TUBGCP2: variants seen among roughly 807,000 people sequenced by gnomAD.
The protein encoded by TUBGCP2 is gamma-tubulin complex component 2.
Under a neutral mutation model 92.2 loss-of-function variants are expected in TUBGCP2, and 55 were observed. That is an observed-to-expected ratio of 0.60 (90% CI 0.48 to 0.75). TUBGCP2 has a LOEUF of 0.75. Among genes scored for constraint, TUBGCP2 ranks in the 30% least tolerant of loss-of-function variants. The probability of loss-of-function intolerance (pLI) is 0.00; values close to 1 mark genes in which losing one functional copy is unlikely to be tolerated. For missense variants in TUBGCP2, 1,093 were observed against 1,188.9 expected, an observed-to-expected ratio of 0.92 and a Z score of 1.19; for synonymous variants, 533 against 505.2, an observed-to-expected ratio of 1.06 and a Z score of -0.74.
intron 17 of TUBGCP2, 83 bp from the exon 18 acceptor site, chr10:133,279,984 A>G: frequency 3.2e-6 from 5 of 1,543,384 alleles, no homozygotes; most frequent in Non-Finnish European, 4.4e-6. Context: ...AGGACGGTGC[A>G]GCTAGGGTGC....
chr10:133,309,254 G>A (rs1330660999), upstream of TUBGCP2: 1 of 1,325,800 alleles, frequency 7.5e-7, no homozygotes, highest in Non-Finnish European at 1.0e-6. Flanking sequence ...GGGCCGGAAC[G>A]TGGAGTGGGC....
At chr10:133,303,761 G>A (rs936172700) in intron 1 of TUBGCP2, among the ~76,000 whole-genome samples, 1 of 152,238 alleles carries the variant, frequency 6.6e-6, no homozygotes, top group Non-Finnish European at 1.5e-5. Flanking sequence ...TACCGACAGA[G>A]ACGCTTCTGG....
At chr10:133,309,919 C>G, upstream of TUBGCP2, 1 of 1,613,604 alleles carries the variant, frequency 6.2e-7, no homozygotes, top group Non-Finnish European at 8.5e-7. Flanking sequence ...CTGCTGGACG[C>G]CCACATCCTG....
chr10:133,288,368 G>T, intron 10 of TUBGCP2, 59 bp from the exon 11 acceptor site: 6 of 1,575,320 alleles, frequency 3.8e-6, no homozygotes, highest in Non-Finnish European at 5.2e-6. Context: ...CACAGCCAGG[G>T]AGCAGGCGTG....
At position 133,293,213 on chromosome 10, in the gene TUBGCP2, C is replaced by T. The variant is rs774637974; in HGVS notation, c.850G>A (p.Glu284Lys). The change falls in exon 7 of 18, where the codon GAG (glutamate) becomes AAG (lysine). Residue 284 changes from glutamate to lysine, a missense_variant. Physicochemically the swap from Glu to Lys is moderately conservative, Grantham distance 56. Transcript: ENST00000252936. ...TRFIEEKSSF[E>K]YGQVNHALAA... ...AGGGCGTGGTTCACCTGCCCGTACT[C>T]GAAGGAAGACTTCTCTTCAATGAAC... is the stretch of plus-strand genomic sequence containing the variant. 3.7e-6 allele frequency: 6 copies of T among 1,613,694 alleles called. No individual in the cohort carries two copies. In the Admixed American group the frequency reaches 6.7e-5, roughly 18 times the overall value.
Position 133,307,341 on chromosome 10 carries a change from C to T in TUBGCP2, c.-40+1482G>A, listed in dbSNP as rs553894576. On this transcript the variant is annotated intron_variant, in intron 1 of 17. Transcript: ENST00000252936. The stretch of plus-strand genomic sequence containing the variant: ...CACGCATGTCACACTCCACCACGGA[C>T]AAGCGGGGCACACACTCCTAGTGAG... Among the ~76,000 whole-genome samples the T allele has an allele frequency of 2.0e-5, 3 of 152,332 alleles. No homozygotes were observed. In the East Asian group the frequency reaches 5.8e-4, roughly 29 times the overall value.
chr10:133,292,969 C>A, intron 7 of TUBGCP2, 70 bp downstream of exon 7: 2 of 1,546,644 alleles, frequency 1.3e-6, no homozygotes, highest in Non-Finnish European at 1.8e-6. Context: ...CAGAGTCTCT[C>A]CTCACACTGG....
chr10:133,310,431 TG>T (rs974006788), upstream of TUBGCP2: 94 of 1,062,606 alleles, frequency 8.8e-5, no homozygotes, highest in Admixed American at 2.0e-3. Context: ...CCTGAAGCCC[TG>T]GCAACACAGC....
At position 133,279,765 on chromosome 10, in the gene TUBGCP2, C is replaced by T. The variant is rs1846916976; in HGVS notation, c.*1G>A. 6.4e-7 allele frequency: 1 copy of T among 1,555,182 alleles called. No individual in the cohort carries two copies. Among genetic ancestry groups the T allele is most frequent in the Non-Finnish European group, 8.7e-7 (1 of 1,149,392 alleles). ...CCCTTCCTTCCTGTCACAGCCAGGGCTCACTGTGCGGTGACTGCGACCCTG... is the reference window on the plus strand; with the variant it reads ...CCCTTCCTTCCTGTCACAGCCAGGGTTCACTGTGCGGTGACTGCGACCCTG... On this transcript the variant is annotated 3_prime_UTR_variant, in exon 18 of 18. Transcript: ENST00000252936.
Position 133,289,030 on chromosome 10 carries a change from C to A in TUBGCP2, c.1361-10G>T. The stretch of plus-strand genomic sequence containing the variant: ...ACATTTAGATATTTTCCTGAAAACA[C>A]AGAAATTCAAAATTTTATTCTCCAC... On this transcript the variant is annotated splice_polypyrimidine_tract_variant and intron_variant, in intron 9 of 17. Coordinates refer to ENST00000252936, the MANE Select transcript of TUBGCP2 (RefSeq NM_006659.4). The A allele has an allele frequency of 1.2e-6, 2 of 1,604,950 alleles. No homozygotes were observed. Among genetic ancestry groups the A allele is most frequent in the South Asian group, 1.1e-5 (1 of 90,708 alleles).
intron 4 of TUBGCP2, 51 bp from the exon 5 acceptor site, chr10:133,298,162 A>C: frequency 6.3e-7 from 1 of 1,580,922 alleles, no homozygotes; most frequent in Non-Finnish European, 8.6e-7. Context: ...CTTTAGCGCA[A>C]ACACTCAACT....
At chr10:133,307,318 C>T (rs565123030) in intron 1 of TUBGCP2, among the ~76,000 whole-genome samples, 1 of 152,210 alleles carries the variant, frequency 6.6e-6, no homozygotes, top group Non-Finnish European at 1.5e-5. Context: ...AAGCAATGCA[C>T]GCATGTCACA....
chr10:133,293,534 G>C (rs745583650), intron 6 of TUBGCP2, 28 bp downstream of exon 6: 1 of 1,547,432 alleles, frequency 6.5e-7, no homozygotes, highest in South Asian at 1.2e-5. Context: ...AACAGCGCAG[G>C]CTCCCAGGGA....
chr10:133,311,767 G>A (rs1427065258), upstream of TUBGCP2: 4 of 1,613,786 alleles, frequency 2.5e-6, no homozygotes, highest in South Asian at 2.2e-5. Flanking sequence ...CAGAAGGGGA[G>A]GCCATGGAAA....
Position 133,297,974 on chromosome 10 carries a change from G to A in TUBGCP2, c.594C>T (p.Ser198=). 1.2e-6 allele frequency: 2 copies of A among 1,613,710 alleles called. No individual in the cohort carries two copies. Among genetic ancestry groups the A allele is most frequent in the South Asian group, 1.1e-5 (1 of 91,056 alleles). Residue 198 remains serine (S), a synonymous_variant, in exon 5 of 18, where the codon AGC becomes AGT. Transcript: ENST00000252936. The part of the protein sequence containing the change: ...IGDFLIGAGI[S]TDTALPIGTL... Reference sequence around the variant, plus strand: ...TACCTATCGGCAAAGCGGTGTCTGTGCTGATGCCAGCACCAATCAGGAAAT... The same window carrying A: ...TACCTATCGGCAAAGCGGTGTCTGTACTGATGCCAGCACCAATCAGGAAAT...
chr10:133,282,884 G>T (rs1188524527), intron 15 of TUBGCP2, among the ~76,000 whole-genome samples, 194 bp downstream of exon 15: 4 of 152,174 alleles, frequency 2.6e-5, no homozygotes, highest in Admixed American at 2.6e-4. Flanking sequence ...CCCTGCCCAC[G>T]CTGCCAGGGC....
Position 133,299,467 on chromosome 10 carries a change from T to A in TUBGCP2, c.416A>T (p.Lys139Met), listed in dbSNP as rs778350497. Reference sequence around the variant, plus strand: ...GCCTGTGGCCACGCTGCCAAGCTGCTTCCTCAGTTCCTCAAGCTCCTGCAT... The same window carrying A: ...GCCTGTGGCCACGCTGCCAAGCTGCATCCTCAGTTCCTCAAGCTCCTGCAT... ...ISMQELEELR[K>M]QLGSVATGST... Residue 139 changes from lysine to methionine, a missense_variant, in exon 4 of 18, where the codon AAG becomes ATG. By Grantham distance (95) the Lys-to-Met change is moderately conservative. This residue lies in a region of TUBGCP2 where 490 missense variants were observed against 488.5 expected (regional missense o/e 1.00). Coordinates refer to ENST00000252936, the MANE Select transcript of TUBGCP2 (RefSeq NM_006659.4). The A allele has an allele frequency of 1.2e-6, 2 of 1,611,280 alleles. No individual in the cohort carries two copies. The highest frequency in any genetic ancestry group is 1.7e-6 in the Non-Finnish European group (2 of 1,179,752).
intron 4 of TUBGCP2, 119 bp downstream of exon 4, chr10:133,299,306 GAC>G: frequency 1.3e-6 from 1 of 783,944 alleles, no homozygotes; most frequent in East Asian, 2.9e-5. Flanking sequence ...TTCAATAAAT[GAC>G]AGAGAGACAT....
intron 13 of TUBGCP2, 104 bp from the exon 14 acceptor site, chr10:133,284,106 G>A: frequency 6.6e-7 from 1 of 1,519,458 alleles, no homozygotes; most frequent in South Asian, 1.3e-5. Flanking sequence ...ACGTTCTCTG[G>A]ACGTGGCTAT....
Sources: gnomAD v4.1 joint callset for allele counts (sites outside exome capture counted in the v4.1 genomes callset) on GRCh38, gnomAD v4.1.1 for gene constraint, gnomAD v4.1.1 regional missense constraint, MANE v1.5 for transcripts, NCBI Gene and HGNC (gene_info 2026-07-23, HGNC 2026-07-21) for gene names.